The following RSF1 variants were observed in gnomAD, a reference collection of about 807,000 sequenced individuals.
RSF1 encodes the protein remodeling and spacing factor 1, also known as HBV pX-associated protein 8.
RSF1 carries 13 observed loss-of-function variants against 145.2 expected under a neutral mutation model. That is an observed-to-expected ratio of 0.09 (90% confidence interval 0.06 to 0.14). The LOEUF (loss-of-function observed/expected upper bound fraction) is 0.14. RSF1 is among the 10% of genes least tolerant of loss of function. RSF1 has a pLI of 1.00. For synonymous variants in RSF1, 577 were observed against 592.6 expected (o/e 0.97, Z 0.38); for missense variants, 1,517 against 1,718.2 (o/e 0.88, Z 2.07).
chr11:77,698,201 G>A (rs4945201), intron 7 of RSF1, among the ~76,000 whole-genome samples: 112,258 of 152,058 alleles, frequency 0.74, 42,099 homozygotes, highest in African/African-American at 0.88. Context: ...AAAAAGAACA[G>A]ACTAAAAATA....
intron 5 of RSF1, chr11:77,718,474 T>C (rs1052661744): frequency 1.3e-5 from 2 of 152,236 alleles, no homozygotes; most frequent in Admixed American, 6.5e-5. Context: ...GTTTTTACAA[T>C]GGATAGTTTC....
chr11:77,706,301 T>C (rs1166060122), intron 5 of RSF1, among the ~76,000 whole-genome samples: 2 of 151,988 alleles, frequency 1.3e-5, no homozygotes, highest in South Asian at 2.1e-4. Context: ...AACGCTCTTG[T>C]GTCACCTCCA....
intron 5 of RSF1, among the ~76,000 whole-genome samples, chr11:77,724,540 T>G (rs1450466325): frequency 6.6e-6 from 1 of 152,140 alleles, no homozygotes; most frequent in Non-Finnish European, 1.5e-5. Flanking sequence ...ATTCAATAAC[T>G]TATTATTATT....
At chr11:77,691,018 A>T in intron 9 of RSF1, 141 bp downstream of exon 9, 1 of 665,266 alleles carries the variant, frequency 1.5e-6, no homozygotes, top group Non-Finnish European at 2.5e-6. Flanking sequence ...AGCAGGCAGT[A>T]CAAAAACAAA....
chr11:77,805,115 T>C (rs1483272297), intron 1 of RSF1, among the ~76,000 whole-genome samples: 1 of 152,234 alleles, frequency 6.6e-6, no homozygotes, highest in Non-Finnish European at 1.5e-5. Flanking sequence ...ATCAAATCTC[T>C]GTACCTAGCA....
At chr11:77,734,081 G>A (rs1284551479) in intron 4 of RSF1, among the ~76,000 whole-genome samples, 1 of 151,996 alleles carries the variant, frequency 6.6e-6, no homozygotes, top group Non-Finnish European at 1.5e-5. Flanking sequence ...TTTTGCTATT[G>A]AAACCTGTTA....
intron 11 of RSF1, among the ~76,000 whole-genome samples, chr11:77,681,912 C>A (rs1473633351): frequency 3.3e-5 from 5 of 152,084 alleles, no homozygotes; most frequent in Non-Finnish European, 7.4e-5. Context: ...TGTCAAATGG[C>A]GCTCCCATTT....
intron 2 of RSF1, chr11:77,763,415 A>AT (rs909723956): frequency 6.6e-6 from 1 of 152,060 alleles, no homozygotes; most frequent in African/African-American, 2.4e-5. Flanking sequence ...TGTGAGGAAC[A>AT]TTTCATCAGT....
rs574857957 is a variant in RSF1 at position 77,682,481 on chromosome 11, T to C, written c.3065+1229A>G. ...CAGCATGATTTAGTGGAAAGAACAC[T>C]AGACTGGAAGATAGGGTTTTAGAAG... On this transcript the variant is annotated intron_variant, in intron 11 of 15. Coordinates refer to ENST00000308488, the MANE Select transcript of RSF1 (RefSeq NM_016578.4). Among the ~76,000 whole-genome samples, 17 of 152,336 alleles carry C rather than the reference T, an allele frequency of 1.1e-4. No homozygotes were observed. The South Asian group carries it at 3.5e-3, about 32-fold the overall frequency.
intron 1 of RSF1, among the ~76,000 whole-genome samples, chr11:77,804,887 T>G (rs1948662009): frequency 6.6e-6 from 1 of 152,206 alleles, no homozygotes; most frequent in South Asian, 2.1e-4. Flanking sequence ...ATTATATTTC[T>G]TCTAGACAAT....
chr11:77,701,940 G>C lies in RSF1; in HGVS notation c.1289C>G (p.Thr430Arg), dbSNP rs1321442840. 14 of 1,613,484 alleles carry C rather than the reference G, an allele frequency of 8.7e-6. No individual in the cohort carries two copies. The highest frequency in any genetic ancestry group is 1.2e-5 in the Non-Finnish European group (14 of 1,179,878). ...CCCTTCATGACCCAAAGCAGTGATT[G>C]TAGAGATCCTTTTACAAGTCTCTTC... ...QEEETCKRIS[T>R]ITALGHEGKQ... Residue 430 changes from threonine to arginine, a missense_variant, in exon 6 of 16, where the codon ACA becomes AGA. Coordinates refer to ENST00000308488, the MANE Select transcript of RSF1 (RefSeq NM_016578.4).
chr11:77,755,584 ATT>A (rs55731438), intron 2 of RSF1, among the ~76,000 whole-genome samples: 2,972 of 148,170 alleles, frequency 0.02, 83 homozygotes, highest in African/African-American at 0.064. Context: ...AATCAAGAAG[ATT>A]TTTTTTTTTT....
chr11:77,776,367 A>T (rs771721065), intron 1 of RSF1, among the ~76,000 whole-genome samples: 2 of 152,064 alleles, frequency 1.3e-5, no homozygotes, highest in Non-Finnish European at 2.9e-5. Flanking sequence ...TACTGTAAGA[A>T]CTCCATTTCT....
intron 1 of RSF1, among the ~76,000 whole-genome samples, chr11:77,778,328 C>T (rs973186946): frequency 2.0e-5 from 3 of 151,084 alleles, no homozygotes; most frequent in African/African-American, 7.3e-5. Context: ...ATGTTCCTAG[C>T]GGTGTTTTAC....
intron 1 of RSF1, among the ~76,000 whole-genome samples, chr11:77,779,956 C>T (rs984003967): frequency 6.6e-6 from 1 of 152,172 alleles, no homozygotes; most frequent in African/African-American, 2.4e-5. Flanking sequence ...CCATCCCCTC[C>T]CATCATGGGG....
chr11:77,811,750 A>G lies in RSF1; in HGVS notation c.187+8778T>C, dbSNP rs141680460. 1.6e-4 allele frequency among the ~76,000 whole-genome samples: 25 copies of G among 152,348 alleles called. No homozygotes were observed. The East Asian group carries it at 4.6e-3, about 28-fold the overall frequency. Reference sequence around the variant, plus strand: ...CAAGGTTGAATATAAAAGGGGATAAACAGACTCAATATAACTTGGTATCAA... The same window carrying G: ...CAAGGTTGAATATAAAAGGGGATAAGCAGACTCAATATAACTTGGTATCAA... On this transcript the variant is annotated intron_variant, in intron 1 of 15. Transcript: ENST00000308488.
chr11:77,736,349 TTCAA>T (rs1276461846), intron 4 of RSF1, among the ~76,000 whole-genome samples: 2 of 152,258 alleles, frequency 1.3e-5, no homozygotes, highest in African/African-American at 4.8e-5. Flanking sequence ...ATTTTCAGTA[TTCAA>T]TCATCTTCTT....
At chr11:77,799,872 T>C (rs1948610064) in intron 1 of RSF1, among the ~76,000 whole-genome samples, 3 of 152,186 alleles carry the variant, frequency 2.0e-5, no homozygotes, top group Admixed American at 2.0e-4. Flanking sequence ...AAGAATACTA[T>C]GAAAATTGCA....
chr11:77,760,099 A>G (rs1289352574), intron 2 of RSF1, among the ~76,000 whole-genome samples: 1 of 152,202 alleles, frequency 6.6e-6, no homozygotes, highest in Non-Finnish European at 1.5e-5. Flanking sequence ...AGAAGTGAAA[A>G]TACGTGTTCA....
Sources: allele counts gnomAD v4.1 joint callset (sites outside exome capture counted in the v4.1 genomes callset), GRCh38; gene constraint gnomAD v4.1.1; transcripts MANE v1.5; gene names NCBI Gene and HGNC (gene_info 2026-07-23, HGNC 2026-07-21).